ALCAM: variants seen among roughly 807,000 people sequenced by gnomAD.
ALCAM encodes activated leukocyte cell adhesion molecule.
In ALCAM, 30 loss-of-function variants were observed where a neutral mutation model predicts 70.9. The ratio of observed to expected loss-of-function variants is 0.42; its 90% CI spans 0.32 to 0.57. The LOEUF is 0.57. Ranked by LOEUF, ALCAM falls within the 20% of genes least tolerant of loss-of-function variation. The probability of loss-of-function intolerance (pLI) is 0.11; values close to 1 mark genes in which losing one functional copy is unlikely to be tolerated. For missense variants in ALCAM, 591 were observed against 695.1 expected (o/e 0.85, Z 1.68); for synonymous variants, 249 against 242.5 (o/e 1.03, Z -0.25).
intron 2 of ALCAM, among the ~76,000 whole-genome samples, chr3:105,523,648 G>C (rs1321876919): frequency 1.3e-5 from 2 of 152,144 alleles, no homozygotes; most frequent in East Asian, 3.9e-4. Context: ...TCTTATTTTG[G>C]TGATGTTTTT....
chr3:105,562,094 C>T lies in ALCAM; in HGVS notation c.1664+9509C>T, dbSNP rs573776893. 1.7e-3 allele frequency among the ~76,000 whole-genome samples: 262 copies of T among 152,338 alleles called. 2 individuals are homozygous for T. The highest frequency in any genetic ancestry group is 6.0e-3 in the African/African-American group (250 of 41,572). The stretch of plus-strand genomic sequence containing the variant: ...TGGTCTTTCTAGTGTCATTATACCC[C>T]ACCCTAAGACTGACTAGTGTAGAAG... On this transcript the variant is annotated intron_variant, in intron 14 of 15. Transcript: ENST00000306107.
intron 1 of ALCAM, among the ~76,000 whole-genome samples, chr3:105,460,741 C>T (rs1372786307): frequency 1.3e-5 from 2 of 151,788 alleles, no homozygotes; most frequent in Non-Finnish European, 2.9e-5. Context: ...TATTTGGGTA[C>T]AGAGATGTAG....
intron 9 of ALCAM, among the ~76,000 whole-genome samples, chr3:105,545,621 CATAGTT>C (rs1168559381): frequency 6.6e-6 from 1 of 151,432 alleles, no homozygotes; most frequent in African/African-American, 2.4e-5. Flanking sequence ...CACATACAAA[CATAGTT>C]ATATACCACA....
chr3:105,421,496 A>T lies in ALCAM; in HGVS notation c.73+54015A>T, dbSNP rs149236250. ...AATTCTCTATTTTTAAAAAAAGAAG[A>T]CAAATAGATTACTTTTAATTATATC... is the stretch of plus-strand genomic sequence containing the variant. On this transcript the variant is annotated intron_variant, in intron 1 of 15. Coordinates refer to ENST00000306107, the MANE Select transcript of ALCAM (RefSeq NM_001627.4). Among the ~76,000 whole-genome samples the T allele has an allele frequency of 8.8e-4, 134 of 151,656 alleles. 1 individual carries two copies. Among genetic ancestry groups the T allele is most frequent in the Middle Eastern group, 3.4e-3 (1 of 294 alleles).
At chr3:105,554,614 T>G (rs1423676380) in intron 14 of ALCAM, among the ~76,000 whole-genome samples, 1 of 151,988 alleles carries the variant, frequency 6.6e-6, no homozygotes, top group Non-Finnish European at 1.5e-5. Context: ...TTTTTCTCAA[T>G]GAACATTTTA....
chr3:105,449,582 T>G (rs1937377552), intron 1 of ALCAM, among the ~76,000 whole-genome samples: 1 of 152,200 alleles, frequency 6.6e-6, no homozygotes, highest in East Asian at 1.9e-4. Context: ...TTCAATATCA[T>G]TCCTGAGAGC....
At chr3:105,384,888 C>T (rs1935611567) in intron 1 of ALCAM, among the ~76,000 whole-genome samples, 4 of 151,478 alleles carry the variant, frequency 2.6e-5, no homozygotes, top group South Asian at 4.1e-4. Context: ...AGAGCAAAGA[C>T]ATTATCAAAT....
At chr3:105,555,864 A>G (rs1576239937) in intron 14 of ALCAM, among the ~76,000 whole-genome samples, 1 of 152,052 alleles carries the variant, frequency 6.6e-6, no homozygotes, top group South Asian at 2.1e-4. Context: ...GCTTTAATCC[A>G]TATAACTTCC....
intron 1 of ALCAM, among the ~76,000 whole-genome samples, chr3:105,444,793 A>G (rs567047602): frequency 1.3e-4 from 20 of 152,316 alleles, no homozygotes; most frequent in African/African-American, 4.1e-4. Context: ...AAAAGCAGTC[A>G]ATTAGTTAAA....
intron 1 of ALCAM, among the ~76,000 whole-genome samples, chr3:105,370,148 C>T (rs1057259413): frequency 6.6e-6 from 1 of 152,158 alleles, no homozygotes; most frequent in African/African-American, 2.4e-5. Flanking sequence ...ATAAAGCTTT[C>T]TTCAGTGGGA....
At chr3:105,421,268 G>C (rs1936645281) in intron 1 of ALCAM, among the ~76,000 whole-genome samples, 1 of 151,350 alleles carries the variant, frequency 6.6e-6, no homozygotes, top group Non-Finnish European at 1.5e-5. Flanking sequence ...TTAAATATAA[G>C]AGGGAAACAT....
intron 1 of ALCAM, among the ~76,000 whole-genome samples, chr3:105,451,301 TGAAG>T: frequency 8.3e-6 from 1 of 119,856 alleles, no homozygotes; most frequent in Middle Eastern, 4.5e-3. Flanking sequence ...AGGAAGGAAA[TGAAG>T]GAAGGGAGAG....
Position 105,437,609 on chromosome 3 carries a change from T to A in ALCAM, c.73+70128T>A, listed in dbSNP as rs143475413. Among the ~76,000 whole-genome samples the A allele has an allele frequency of 2.4e-3, 358 of 152,210 alleles. 3 individuals are homozygous for A. The highest frequency in any genetic ancestry group is 8.3e-3 in the African/African-American group (344 of 41,578). ...AGGGAAATCCAATTAGCTATAATATTTAAGAGACTGCTGTCCTAATACATA... is the reference window on the plus strand; with the variant it reads ...AGGGAAATCCAATTAGCTATAATATATAAGAGACTGCTGTCCTAATACATA... On this transcript the variant is annotated intron_variant, in intron 1 of 15. Transcript: ENST00000306107.
chr3:105,566,080 A>T lies in ALCAM; in HGVS notation c.1665-5772A>T, dbSNP rs77986496. 5.5e-3 allele frequency among the ~76,000 whole-genome samples: 834 copies of T among 152,338 alleles called. 4 individuals are homozygous for T. The highest frequency in any genetic ancestry group is 0.019 in the African/African-American group (801 of 41,580). On this transcript the variant is annotated intron_variant, in intron 14 of 15. Coordinates refer to ENST00000306107, the MANE Select transcript of ALCAM (RefSeq NM_001627.4). ...ACTTTGCTACCTGTTGTCCAATGAC[A>T]GAAAATACTTGTTCTTTTATTCTTT... is the stretch of plus-strand genomic sequence containing the variant.
intron 1 of ALCAM, among the ~76,000 whole-genome samples, chr3:105,413,475 T>G (rs1023126397): frequency 6.6e-6 from 1 of 152,128 alleles, no homozygotes; most frequent in African/African-American, 2.4e-5. Context: ...CCTGGGTGAT[T>G]GTGCTGTAGG....
intron 1 of ALCAM, 78 bp downstream of exon 1, chr3:105,367,559 C>A: frequency 6.5e-7 from 1 of 1,531,404 alleles, no homozygotes; most frequent in Non-Finnish European, 9.0e-7. Flanking sequence ...CAGCCTCGCA[C>A]CCCCGAGGCA....
intron 3 of ALCAM, among the ~76,000 whole-genome samples, chr3:105,529,151 G>A (rs1266313636): frequency 1.3e-5 from 2 of 151,986 alleles, no homozygotes; most frequent in Non-Finnish European, 2.9e-5. Flanking sequence ...AGATAGCCAG[G>A]TCAGCAAAAA....
chr3:105,470,602 C>T (rs1412274826), intron 1 of ALCAM, among the ~76,000 whole-genome samples: 1 of 151,092 alleles, frequency 6.6e-6, no homozygotes, highest in Non-Finnish European at 1.5e-5. Context: ...TTGTAACACT[C>T]AGATTTGAAA....
At chr3:105,375,805 A>G (rs538000852) in intron 1 of ALCAM, among the ~76,000 whole-genome samples, 3 of 152,336 alleles carry the variant, frequency 2.0e-5, no homozygotes, top group East Asian at 3.9e-4. Context: ...TCTTCTGTAC[A>G]TGCAAACTAA....
Sources: gnomAD v4.1 joint callset for allele counts (sites outside exome capture counted in the v4.1 genomes callset) on GRCh38, gnomAD v4.1.1 for gene constraint, MANE v1.5 for transcripts, NCBI Gene and HGNC (gene_info 2026-07-23, HGNC 2026-07-21) for gene names.